Variants in ZNF469 observed in about 807,000 individuals in gnomAD.
ZNF469 encodes the protein zinc finger protein 469.
A neutral mutation model predicts 1.0 loss-of-function variants in ZNF469; 1 was observed. The ratio of observed to expected loss-of-function variants is 1.00; its 90% CI spans 0.35 to 4.73. The LOEUF is 4.73. Ranked by LOEUF, ZNF469 falls within the 30% of genes most tolerant of loss-of-function variation. The probability of loss-of-function intolerance (pLI) is 0.16; values close to 1 mark genes in which losing one functional copy is unlikely to be tolerated. For synonymous variants in ZNF469, 2,703 were observed against 2,363.4 expected (o/e 1.14, Z -4.17); for missense variants, 6,100 against 5,356.3 (o/e 1.14, Z -4.33).
At chr16:88,426,586 G>A (rs369849070) in intron 2 of ZNF469, among the ~76,000 whole-genome samples, 3 of 152,278 alleles carry the variant, frequency 2.0e-5, no homozygotes, top group South Asian at 2.1e-4. Context: ...AGCCGGCACC[G>A]TCTGGAGGCT....
chr16:88,223,683 G>A, the ZNF469 span, among the ~76,000 whole-genome samples: 2 of 152,214 alleles, frequency 1.3e-5, no homozygotes, highest in Non-Finnish European at 2.9e-5. Flanking sequence ...GAAGGAATGT[G>A]GGGACAGAGC....
chr16:88,284,610 CAAAAA>C, the ZNF469 span, among the ~76,000 whole-genome samples: 15 of 109,534 alleles, frequency 1.4e-4, no homozygotes, highest in African/African-American at 4.9e-4. Context: ...GATCCCATCT[CAAAAA>C]AAAAAAAAAA....
the ZNF469 span, among the ~76,000 whole-genome samples, chr16:88,132,572 A>G: frequency 1.3e-5 from 2 of 152,330 alleles, no homozygotes; most frequent in East Asian, 3.9e-4. Flanking sequence ...CGCTGGCCCC[A>G]GCTCTGCTAC....
the ZNF469 span, among the ~76,000 whole-genome samples, chr16:88,255,803 C>T: frequency 6.6e-6 from 1 of 152,164 alleles, no homozygotes; most frequent in Non-Finnish European, 1.5e-5. Context: ...TTATCACAGC[C>T]TTAGGATGTT....
At chr16:88,101,910 G>A in the ZNF469 span, among the ~76,000 whole-genome samples, 40 of 152,132 alleles carry the variant, frequency 2.6e-4, no homozygotes, top group Non-Finnish European at 4.4e-4. Context: ...CTGGGAGGTC[G>A]GCCGCGGGTG....
chr16:88,412,292 C>T (rs1905193291), intron 1 of ZNF469, among the ~76,000 whole-genome samples: 1 of 152,250 alleles, frequency 6.6e-6, no homozygotes, highest in African/African-American at 2.4e-5. Flanking sequence ...CCACCCAGTG[C>T]CCACCTTCCC....
chr16:88,186,157 G>A, the ZNF469 span, among the ~76,000 whole-genome samples: 1 of 152,184 alleles, frequency 6.6e-6, no homozygotes, highest in Admixed American at 6.5e-5. Flanking sequence ...TCGACTGCGG[G>A]GGCGTCCACA....
At chr16:88,215,441 G>A in the ZNF469 span, among the ~76,000 whole-genome samples, 1 of 133,100 alleles carries the variant, frequency 7.5e-6, no homozygotes, top group Admixed American at 8.5e-5. Flanking sequence ...CCAGGCTGGA[G>A]TGCAGTGGCA....
chr16:88,303,930 G>C, the ZNF469 span, among the ~76,000 whole-genome samples: 1 of 152,212 alleles, frequency 6.6e-6, no homozygotes, highest in Non-Finnish European at 1.5e-5. Context: ...CGCTCTTAAT[G>C]AAAGTTGCTG....
the ZNF469 span, among the ~76,000 whole-genome samples, chr16:88,335,465 G>A: frequency 1.3e-5 from 2 of 152,208 alleles, no homozygotes; most frequent in Non-Finnish European, 2.9e-5. Flanking sequence ...CAGCTGGAAC[G>A]TCCCCACAGG....
At chr16:88,320,948 G>A in the ZNF469 span, among the ~76,000 whole-genome samples, 10 of 152,328 alleles carry the variant, frequency 6.6e-5, no homozygotes, top group Middle Eastern at 3.4e-3. Flanking sequence ...TCCAGTGCTC[G>A]GGAATGAATG....
chr16:88,103,573 G>A, the ZNF469 span, among the ~76,000 whole-genome samples: 14 of 152,318 alleles, frequency 9.2e-5, no homozygotes, highest in East Asian at 2.7e-3. Flanking sequence ...TCCCTTGGGG[G>A]GGATCAGGAG....
chr16:88,124,211 A>C, the ZNF469 span, among the ~76,000 whole-genome samples: 22 of 152,140 alleles, frequency 1.4e-4, no homozygotes, highest in Non-Finnish European at 5.9e-5. Context: ...ATTTTCTCCC[A>C]GTCTGTGACT....
the ZNF469 span, among the ~76,000 whole-genome samples, chr16:88,265,778 C>A: frequency 6.6e-6 from 1 of 152,252 alleles, no homozygotes; most frequent in Non-Finnish European, 1.5e-5. Flanking sequence ...GTCTCTCTCG[C>A]AGCCTCACTG....
At chr16:88,250,746 C>T in the ZNF469 span, among the ~76,000 whole-genome samples, 1 of 152,138 alleles carries the variant, frequency 6.6e-6, no homozygotes, top group Non-Finnish European at 1.5e-5. Context: ...TTCTTCCAAC[C>T]CCAATCTGTT....
the ZNF469 span, among the ~76,000 whole-genome samples, chr16:88,116,746 G>A: frequency 6.6e-6 from 1 of 152,152 alleles, no homozygotes; most frequent in Non-Finnish European, 1.5e-5. Context: ...ATGCCATGAC[G>A]CTGTTTATGG....
At chr16:88,355,927 C>G in the ZNF469 span, among the ~76,000 whole-genome samples, 2 of 152,044 alleles carry the variant, frequency 1.3e-5, no homozygotes, top group African/African-American at 2.4e-5. Flanking sequence ...CCGTGGGGGT[C>G]CTGCACAAAG....
chr16:88,440,712 G>A lies in ZNF469; in HGVS notation c.*1380G>A, dbSNP rs1339735008. ...GAGGTTGTACTGTAAACATCATAGT[G>A]ACTTGTCTTTTCAAATATATTCCCA... On this transcript the variant is annotated 3_prime_UTR_variant, in exon 3 of 3. Coordinates refer to ENST00000565624, the MANE Select transcript of ZNF469 (RefSeq NM_001367624.2). 3.3e-5 allele frequency: 5 copies of A among 152,142 alleles called. No homozygotes were observed. Among genetic ancestry groups the A allele is most frequent in the Admixed American group, 1.3e-4 (2 of 15,286 alleles). The allele number at this position is 152,142 out of a possible 1,614,324, so 9.4% of individuals were successfully genotyped here. A position where few individuals can be genotyped will look rare whatever the true frequency, so the allele number is the denominator to read the frequency against.
the ZNF469 span, among the ~76,000 whole-genome samples, chr16:88,236,168 C>T: frequency 6.6e-6 from 1 of 152,218 alleles, no homozygotes; most frequent in Non-Finnish European, 1.5e-5. Flanking sequence ...TTGAAATGTG[C>T]TAGATGCTAA....
Sources: gnomAD v4.1 joint callset for allele counts (sites outside exome capture counted in the v4.1 genomes callset) on GRCh38, gnomAD v4.1.1 for gene constraint, MANE v1.5 for transcripts, NCBI Gene and HGNC (gene_info 2026-07-23, HGNC 2026-07-21) for gene names.